Variants in CCDC171 observed in about 807,000 individuals in gnomAD.
The protein encoded by CCDC171 is coiled-coil domain-containing protein 171.
Under a neutral mutation model 168.2 loss-of-function variants are expected in CCDC171, and 177 were observed. That is an observed-to-expected ratio of 1.05 (90% confidence interval 0.93 to 1.19). CCDC171 has a LOEUF of 1.19. Ranked by LOEUF, CCDC171 falls within the 50% of genes most tolerant of loss-of-function variation. The pLI, the probability that CCDC171 is intolerant of heterozygous loss-of-function variation, is 0.00. For missense variants in CCDC171, 1,991 were observed against 1,539.0 expected (o/e 1.29, Z -4.91); for synonymous variants, 687 against 540.8 (o/e 1.27, Z -3.75).
intron 11 of CCDC171, among the ~76,000 whole-genome samples, chr9:15,701,167 A>G (rs1178965867): frequency 6.6e-6 from 1 of 151,954 alleles, no homozygotes; most frequent in East Asian, 1.9e-4. Context: ...ATAGTTTGTA[A>G]ATATTTTCTC....
intron 1 of CCDC171, among the ~76,000 whole-genome samples, chr9:15,556,597 T>C (rs2038819839): frequency 6.6e-6 from 1 of 152,178 alleles, no homozygotes; most frequent in South Asian, 2.1e-4. Flanking sequence ...GTTTGATTTT[T>C]TCTTGTAAAT....
At chr9:15,665,565 G>C (rs528898571) in intron 8 of CCDC171, among the ~76,000 whole-genome samples, 1 of 152,124 alleles carries the variant, frequency 6.6e-6, no homozygotes, top group Non-Finnish European at 1.5e-5. Flanking sequence ...AGGATCACTT[G>C]AAGCTAACAG....
At chr9:16,107,781 G>A in the CCDC171 span, among the ~76,000 whole-genome samples, 5 of 152,148 alleles carry the variant, frequency 3.3e-5, no homozygotes, top group Admixed American at 2.6e-4. Context: ...GTTCCACATG[G>A]CCATAAGTTT....
intron 1 of CCDC171, among the ~76,000 whole-genome samples, chr9:16,054,208 C>T (rs1034548368): frequency 2.0e-5 from 3 of 152,188 alleles, no homozygotes; most frequent in Non-Finnish European, 4.4e-5. Flanking sequence ...GTTGCCCATT[C>T]AGGGATCCTG....
chr9:15,775,073 A>G (rs1231267039), intron 18 of CCDC171, among the ~76,000 whole-genome samples: 1 of 150,274 alleles, frequency 6.7e-6, no homozygotes, highest in African/African-American at 2.5e-5. Flanking sequence ...CATGTAACCA[A>G]ACACCACCTG....
At chr9:15,745,936 T>A (rs1228618488) in intron 18 of CCDC171, among the ~76,000 whole-genome samples, 1 of 152,164 alleles carries the variant, frequency 6.6e-6, no homozygotes, top group Non-Finnish European at 1.5e-5. Flanking sequence ...CAATGTTTTT[T>A]CATATGTTTT....
chr9:15,573,944 G>A (rs955437304), intron 3 of CCDC171, among the ~76,000 whole-genome samples: 16 of 151,918 alleles, frequency 1.1e-4, no homozygotes, highest in African/African-American at 3.9e-4. Flanking sequence ...TATGTTTATA[G>A]TTGTCATTAG....
At chr9:15,890,644 C>T (rs921791675) in intron 24 of CCDC171, among the ~76,000 whole-genome samples, 1 of 151,420 alleles carries the variant, frequency 6.6e-6, no homozygotes, top group African/African-American at 2.4e-5. Context: ...AAAATAAATT[C>T]ATTGCTTTAG....
intron 25 of CCDC171, among the ~76,000 whole-genome samples, chr9:15,948,690 T>G (rs1828721273): frequency 6.6e-6 from 1 of 151,564 alleles, no homozygotes; most frequent in Admixed American, 6.6e-5. Flanking sequence ...TCTTTTAAAT[T>G]TGTTTGAGTT....
At chr9:16,080,358 G>A in the CCDC171 span, among the ~76,000 whole-genome samples, 1 of 152,156 alleles carries the variant, frequency 6.6e-6, no homozygotes, top group Non-Finnish European at 1.5e-5. Flanking sequence ...GTGTATATAT[G>A]TGCCTGTTGG....
At chr9:15,714,339 G>C (rs1181128830) in intron 11 of CCDC171, among the ~76,000 whole-genome samples, 5 of 152,120 alleles carry the variant, frequency 3.3e-5, no homozygotes, top group African/African-American at 1.2e-4. Flanking sequence ...GGTAACCACT[G>C]TGGACACTGT....
At chr9:15,564,652 G>C (rs952413814) in intron 2 of CCDC171, among the ~76,000 whole-genome samples, 1 of 152,120 alleles carries the variant, frequency 6.6e-6, no homozygotes, top group Non-Finnish European at 1.5e-5. Context: ...TCTGCCTTTG[G>C]GCGTGGCGCC....
chr9:15,644,612 G>A (rs1315466192), intron 7 of CCDC171, among the ~76,000 whole-genome samples: 2 of 152,224 alleles, frequency 1.3e-5, no homozygotes, highest in Non-Finnish European at 2.9e-5. Flanking sequence ...ACCTGGCTCG[G>A]AGAGTCCCAT....
At chr9:16,098,097 C>G in the CCDC171 span, among the ~76,000 whole-genome samples, 2 of 152,174 alleles carry the variant, frequency 1.3e-5, no homozygotes, top group East Asian at 3.9e-4. Context: ...TCAATGCAAT[C>G]CATTAGTTAT....
rs146910418 is a variant in CCDC171 at position 15,792,292 on chromosome 9, G to T, written c.3267+7598G>T. On this transcript the variant is annotated intron_variant, in intron 21 of 25. Transcript: ENST00000380701. ...TAGAGAAAACAGAGGAAAAAGAAAC[G>T]AACAAAGCTTCCAAGAAATATGGGA... is the stretch of plus-strand genomic sequence containing the variant. Among the ~76,000 whole-genome samples, 168 of 152,222 alleles carry T rather than the reference G, an allele frequency of 1.1e-3. 1 individual carries two copies. The highest frequency in any genetic ancestry group is 4.0e-3 in the African/African-American group (165 of 41,546).
At chr9:15,941,616 TAAG>T (rs1407425291) in intron 25 of CCDC171, among the ~76,000 whole-genome samples, 5 of 152,100 alleles carry the variant, frequency 3.3e-5, no homozygotes, top group Non-Finnish European at 2.9e-5. Flanking sequence ...AAGCCAGTGT[TAAG>T]AAGAGAGAAT....
chr9:15,971,723 A>G lies in CCDC171; in HGVS notation c.3868A>G (p.Thr1290Ala), dbSNP rs1342183785. 1.9e-6 allele frequency: 3 copies of G among 1,613,790 alleles called. No individual in the cohort carries two copies. Among genetic ancestry groups the G allele is most frequent in the Non-Finnish European group, 2.5e-6 (3 of 1,179,818 alleles). ...GAAAGCTGAACTTGATACTACTTAC[A>G]CTTTCTTAAAGGAGACATTTATAAA... The part of the protein sequence containing the change: ...PLKAELDTTY[T>A]FLKETFINTV... The change falls in exon 26 of 26, where the codon ACT becomes GCT. Residue 1290 changes from threonine to alanine, a missense_variant. By Grantham distance (58) the Thr-to-Ala change is moderately conservative. Coordinates refer to ENST00000380701, the MANE Select transcript of CCDC171 (RefSeq NM_173550.4).
chr9:15,994,527 A>G (rs893364609), intron 3 of CCDC171, among the ~76,000 whole-genome samples: 2 of 152,220 alleles, frequency 1.3e-5, no homozygotes, highest in African/African-American at 4.8e-5. Context: ...TGGCACACGT[A>G]TACATATGTA....
exon 5 of CCDC171, chr9:16,022,444 G>T (rs1314299819): frequency 6.6e-6 from 1 of 152,308 alleles, no homozygotes; most frequent in Non-Finnish European, 1.5e-5. Flanking sequence ...CACCACCTGC[G>T]CTCACTAGGC....
Sources: allele counts gnomAD v4.1 joint callset (sites outside exome capture counted in the v4.1 genomes callset), GRCh38; gene constraint gnomAD v4.1.1; transcripts MANE v1.5; gene names NCBI Gene and HGNC (gene_info 2026-07-23, HGNC 2026-07-21).